The following PRELID2 variants were observed in gnomAD, a reference collection of about 807,000 sequenced individuals.
The protein encoded by PRELID2 is PRELI domain containing 2.
A neutral mutation model predicts 28.4 loss-of-function variants in PRELID2; 25 were observed. The ratio of observed to expected loss-of-function variants is 0.88; its 90% CI spans 0.64 to 1.23. The LOEUF (loss-of-function observed/expected upper bound fraction) is 1.23. PRELID2 is among the 50% of genes most tolerant of loss of function. PRELID2 has a pLI of 0.00. For missense variants in PRELID2, 201 were observed against 214.4 expected (o/e 0.94, Z 0.39); for synonymous variants, 76 against 71.6 (o/e 1.06, Z -0.31).
the PRELID2 span, among the ~76,000 whole-genome samples, chr5:145,243,522 T>C: frequency 3.3e-5 from 5 of 152,072 alleles, no homozygotes; most frequent in African/African-American, 4.8e-5. Context: ...GTTTTGATGT[T>C]TTGGCAGGTA....
the PRELID2 span, among the ~76,000 whole-genome samples, chr5:145,378,443 C>A: frequency 6.6e-6 from 1 of 152,102 alleles, no homozygotes; most frequent in Non-Finnish European, 1.5e-5. Context: ...GATTTGGTAT[C>A]TTTACATAAT....
chr5:145,328,299 C>G, the PRELID2 span, among the ~76,000 whole-genome samples: 1 of 152,104 alleles, frequency 6.6e-6, no homozygotes. Flanking sequence ...GGTATATACC[C>G]AATAATGGGA....
chr5:145,701,082 A>G (rs1755395216), intron 1 of PRELID2, among the ~76,000 whole-genome samples: 1 of 152,188 alleles, frequency 6.6e-6, no homozygotes, highest in Non-Finnish European at 1.5e-5. Context: ...GAAGGCTTCA[A>G]CTCCATGGAT....
intron 1 of PRELID2, among the ~76,000 whole-genome samples, chr5:145,516,251 G>A (rs1310856529): frequency 6.6e-6 from 1 of 152,212 alleles, no homozygotes; most frequent in East Asian, 1.9e-4. Flanking sequence ...CCCATCGTCT[G>A]AGCCCAAAAT....
intron 1 of PRELID2, among the ~76,000 whole-genome samples, chr5:145,481,474 TG>T (rs1395162137): frequency 6.6e-6 from 1 of 151,576 alleles, no homozygotes; most frequent in African/African-American, 2.4e-5. Flanking sequence ...AAATATTATT[TG>T]ATCTTGTTTA....
chr5:145,275,501 T>A, the PRELID2 span, among the ~76,000 whole-genome samples: 2 of 152,032 alleles, frequency 1.3e-5, no homozygotes, highest in South Asian at 4.1e-4. Context: ...AAATAGCATG[T>A]TTCCTGGGGG....
At chr5:145,694,255 C>T (rs1755209560) in intron 1 of PRELID2, among the ~76,000 whole-genome samples, 1 of 152,080 alleles carries the variant, frequency 6.6e-6, no homozygotes, top group Non-Finnish European at 1.5e-5. Flanking sequence ...ACATATTGTA[C>T]ATAAGAAAAA....
the PRELID2 span, among the ~76,000 whole-genome samples, chr5:145,275,062 T>C: frequency 1.7e-4 from 26 of 152,278 alleles, no homozygotes; most frequent in African/African-American, 5.8e-4. Context: ...GCTCACCACA[T>C]AACCTCATTT....
At chr5:145,297,598 A>C in the PRELID2 span, among the ~76,000 whole-genome samples, 1 of 152,016 alleles carries the variant, frequency 6.6e-6, no homozygotes, top group Admixed American at 6.6e-5. Context: ...TATTCAACAT[A>C]GTGTTGGAAG....
At chr5:145,615,353 A>T (rs1581004104) in intron 1 of PRELID2, among the ~76,000 whole-genome samples, 1 of 106,154 alleles carries the variant, frequency 9.4e-6, no homozygotes. Flanking sequence ...TTTGAGACGG[A>T]GTCTCGCTGT....
At chr5:145,567,343 A>ATGGTTTGGTT (rs70998025) in intron 1 of PRELID2, among the ~76,000 whole-genome samples, 4,931 of 146,216 alleles carry the variant, frequency 0.034, 162 homozygotes, top group African/African-American at 0.078. Flanking sequence ...ATGAGATCTG[A>ATGGTTTGGTT]TGGTTTGGTT....
chr5:145,287,930 G>C, the PRELID2 span, among the ~76,000 whole-genome samples: 2 of 152,142 alleles, frequency 1.3e-5, no homozygotes, highest in African/African-American at 4.8e-5. Context: ...GAGTAGTCAC[G>C]TGTTTTGTAG....
intron 4 of PRELID2, among the ~76,000 whole-genome samples, chr5:145,799,204 T>C (rs1440148580): frequency 6.8e-6 from 1 of 146,060 alleles, no homozygotes; most frequent in East Asian, 2.0e-4. Context: ...GTGAATGGAA[T>C]GACATGTTCA....
At chr5:145,343,191 A>G in the PRELID2 span, among the ~76,000 whole-genome samples, 6 of 152,144 alleles carry the variant, frequency 3.9e-5, no homozygotes, top group East Asian at 1.2e-3. Flanking sequence ...CATTTACAGA[A>G]CATTCTATCC....
chr5:145,731,847 G>T (rs1317908206), intron 1 of PRELID2, among the ~76,000 whole-genome samples: 1 of 152,170 alleles, frequency 6.6e-6, no homozygotes, highest in Non-Finnish European at 1.5e-5. Flanking sequence ...AGGAGTAGAA[G>T]GGAGATAAGG....
At chr5:145,670,211 A>T (rs1754677920) in intron 1 of PRELID2, among the ~76,000 whole-genome samples, 1 of 152,160 alleles carries the variant, frequency 6.6e-6, no homozygotes, top group Non-Finnish European at 1.5e-5. Context: ...CAATCACAGC[A>T]GAAGGCAAAG....
At chr5:145,437,655 C>G in the PRELID2 span, among the ~76,000 whole-genome samples, 1 of 152,060 alleles carries the variant, frequency 6.6e-6, no homozygotes. Context: ...CATGACTCTT[C>G]GTGTAGCTGA....
rs144539595 is a variant in PRELID2, at chr5:145,524,745, G to A, written n.71-51430C>T. On this transcript the variant is annotated intron_variant and non_coding_transcript_variant, in intron 1 of 2. Transcript: ENST00000510259. The stretch of plus-strand genomic sequence containing the variant: ...CAATCCAAGTTACCTGGAATAACTC[G>A]GAACCAACCAACCATTCTGGGTTAC... Among the ~76,000 whole-genome samples, 40 of 152,258 alleles carry A rather than the reference G, an allele frequency of 2.6e-4. No individual in the cohort carries two copies. The East Asian group carries it at 4.1e-3, about 15-fold the overall frequency.
intron 1 of PRELID2, among the ~76,000 whole-genome samples, chr5:145,725,396 T>C (rs940005693): frequency 6.6e-6 from 1 of 152,218 alleles, no homozygotes. Flanking sequence ...CAGGTATACA[T>C]GGAATAGAAA....
Sources: allele counts gnomAD v4.1 joint callset (sites outside exome capture counted in the v4.1 genomes callset), GRCh38; gene constraint gnomAD v4.1.1; transcripts MANE v1.5; gene names NCBI Gene and HGNC (gene_info 2026-07-23, HGNC 2026-07-21).